Variants in BCAS4 observed in about 807,000 individuals in gnomAD.
The protein encoded by BCAS4 is breast carcinoma-amplified sequence 4.
A neutral mutation model predicts 15.7 loss-of-function variants in BCAS4; 9 were observed. The ratio of observed to expected loss-of-function variants is 0.57; its 90% confidence interval spans 0.34 to 1.00. The LOEUF is 1.00. Among genes scored for constraint, BCAS4 ranks in the 50% least tolerant of loss-of-function variants. The pLI, the probability that BCAS4 is intolerant of heterozygous loss-of-function variation, is 0.02. For synonymous variants in BCAS4, 101 were observed against 99.5 expected (o/e 1.02, Z -0.09); for missense variants, 225 against 239.1 (o/e 0.94, Z 0.39).
In BCAS4 at chr20:50,876,597, C is replaced by T. The variant is rs755111655; in HGVS notation, c.511C>T (p.Arg171Trp). Reference protein sequence around the residue: ...EAQHHPRTCPRPL With the variant: ...EAQHHPRTCPWPL Reference sequence around the variant, plus strand: ...ACAGCACCACCCCCGCACCTGCCCTCGGCCTTTGTGAGCTTTGTGGTCTTC... The same window carrying T: ...ACAGCACCACCCCCGCACCTGCCCTTGGCCTTTGTGAGCTTTGTGGTCTTC... Residue 171 changes from arginine (R) to tryptophan (W), a missense_variant, in exon 5 of 5, where the codon CGG (arginine) becomes TGG (tryptophan). Transcript: ENST00000371608. 3.4e-5 allele frequency: 55 copies of T among 1,613,914 alleles called. No homozygotes were observed. The highest frequency in any genetic ancestry group is 9.3e-5 in the African/African-American group (7 of 74,910).
At chr20:50,868,407 A>G (rs140378228) in intron 4 of BCAS4, among the ~76,000 whole-genome samples, 417 of 152,274 alleles carry the variant, frequency 2.7e-3, no homozygotes, top group African/African-American at 6.6e-3. Context: ...GCAGTTGTCA[A>G]TTCTTGGGTG....
At chr20:50,842,304 C>T (rs7352288) in intron 4 of BCAS4, among the ~76,000 whole-genome samples, 10,870 of 152,244 alleles carry the variant, frequency 0.071, 503 homozygotes, top group African/African-American at 0.13. Context: ...GGGGGACGGG[C>T]GTCCCTCCTG....
Position 50,819,523 on chromosome 20 carries a change from T to C in BCAS4, c.162+1241T>C, listed in dbSNP as rs2088187173. ...CAGTAACAGCAGCCCCAGATGTTCA[T>C]TGAACGCCTTTCTTTGTGCCCGGCA... is the stretch of plus-strand genomic sequence containing the variant. On this transcript the variant is annotated intron_variant, in intron 2 of 4. Transcript: ENST00000371608. Among the ~76,000 whole-genome samples the C allele has an allele frequency of 2.6e-5, 4 of 152,164 alleles. No individual in the cohort carries two copies. In the South Asian group the frequency reaches 8.3e-4, roughly 32 times the overall value.
chr20:50,853,577 A>T (rs977014069), intron 4 of BCAS4, among the ~76,000 whole-genome samples: 1 of 151,918 alleles, frequency 6.6e-6, no homozygotes, highest in Non-Finnish European at 1.5e-5. Context: ...TAGCATTTGG[A>T]GGGGGATAAC....
intron 2 of BCAS4, among the ~76,000 whole-genome samples, chr20:50,822,873 C>A (rs1369646650): frequency 1.3e-5 from 2 of 151,504 alleles, no homozygotes; most frequent in Non-Finnish European, 2.9e-5. Flanking sequence ...GTGATCCACC[C>A]GCCTCAGCCA....
chr20:50,803,469 A>G (rs1201580648), intron 1 of BCAS4, among the ~76,000 whole-genome samples: 1 of 152,226 alleles, frequency 6.6e-6, no homozygotes, highest in Admixed American at 6.5e-5. Flanking sequence ...GGGGTGGGGT[A>G]TAGGCATGGT....
At chr20:50,874,271 C>A (rs1979806653) in intron 4 of BCAS4, among the ~76,000 whole-genome samples, 1 of 152,168 alleles carries the variant, frequency 6.6e-6, no homozygotes, top group Non-Finnish European at 1.5e-5. Flanking sequence ...GCGCTGATCC[C>A]CGCAGCCCCC....
intron 4 of BCAS4, among the ~76,000 whole-genome samples, chr20:50,868,481 G>T (rs1219748420): frequency 3.9e-5 from 6 of 152,158 alleles, no homozygotes; most frequent in African/African-American, 7.2e-5. Flanking sequence ...ATAGTGCAGT[G>T]GCACAATCAC....
chr20:50,833,002 G>C (rs1304019496), intron 3 of BCAS4: 1 of 152,302 alleles, frequency 6.6e-6, no homozygotes, highest in Non-Finnish European at 1.5e-5. Flanking sequence ...CACTTCTCCA[G>C]GATTTGCTTT....
At chr20:50,815,733 TGTG>T (rs1296169082) in intron 1 of BCAS4, among the ~76,000 whole-genome samples, 1 of 152,174 alleles carries the variant, frequency 6.6e-6, no homozygotes, top group African/African-American at 2.4e-5. Flanking sequence ...TTTATTTTGT[TGTG>T]GTGGAGATGG....
chr20:50,849,924 C>A (rs199845679), intron 4 of BCAS4, among the ~76,000 whole-genome samples: 1 of 152,108 alleles, frequency 6.6e-6, no homozygotes, highest in Non-Finnish European at 1.5e-5. Context: ...CCCAGGAGTT[C>A]GAGACCAGCC....
chr20:50,854,040 G>A (rs990219539), intron 4 of BCAS4, among the ~76,000 whole-genome samples: 1 of 152,208 alleles, frequency 6.6e-6, no homozygotes, highest in Non-Finnish European at 1.5e-5. Context: ...CAGCTGTCAA[G>A]ACTGGGTGAT....
intron 1 of BCAS4, among the ~76,000 whole-genome samples, chr20:50,817,783 C>T (rs1042924268): frequency 4.6e-5 from 7 of 151,904 alleles, no homozygotes; most frequent in East Asian, 1.9e-4. Flanking sequence ...GGGGTATCAC[C>T]GGGGCCACTG....
intron 3 of BCAS4, chr20:50,840,462 G>A (rs897053556): frequency 9.9e-5 from 92 of 927,670 alleles, no homozygotes; most frequent in African/African-American, 1.6e-4. Flanking sequence ...CGCGGCCTTC[G>A]TTGTCAGTAG....
At chr20:50,878,881 G>A (rs762047725), downstream of BCAS4, 5 of 152,342 alleles carry the variant, frequency 3.3e-5, no homozygotes, top group East Asian at 1.9e-4. Context: ...ACCAGACTGA[G>A]CAACCAACAT....
intron 4 of BCAS4, among the ~76,000 whole-genome samples, chr20:50,862,281 G>T (rs899415249): frequency 1.3e-5 from 2 of 151,846 alleles, no homozygotes; most frequent in Non-Finnish European, 1.5e-5. Context: ...TTCTCAAGCC[G>T]CCTTTTGTTT....
downstream of BCAS4, chr20:50,879,558 A>G (rs1278257205): frequency 6.6e-6 from 1 of 152,242 alleles, no homozygotes; most frequent in African/African-American, 2.4e-5. Context: ...AATTTTTTAG[A>G]CAAGCAGTTG....
In BCAS4 at chr20:50,797,678, T is replaced by G. The variant is rs142867777; in HGVS notation, c.90+2505T>G. ...TGAGCTACCTATGCAATTTTTTTTG[T>G]TTTTGAGACAGAGTTTCACTCTTGT... On this transcript the variant is annotated intron_variant, in intron 1 of 4. Transcript: ENST00000371608. Among the ~76,000 whole-genome samples, 1,100 of 152,246 alleles carry G rather than the reference T, an allele frequency of 7.2e-3. 18 individuals carry two copies. The highest frequency in any genetic ancestry group is 0.025 in the African/African-American group (1,059 of 41,554).
At chr20:50,873,203 T>C (rs1468732386) in intron 4 of BCAS4, among the ~76,000 whole-genome samples, 2 of 152,158 alleles carry the variant, frequency 1.3e-5, no homozygotes. Context: ...TTCATAATGA[T>C]ATTGATTTTT....
Sources: gnomAD v4.1 joint callset for allele counts (sites outside exome capture counted in the v4.1 genomes callset) on GRCh38, gnomAD v4.1.1 for gene constraint, MANE v1.5 for transcripts, NCBI Gene and HGNC (gene_info 2026-07-23, HGNC 2026-07-21) for gene names.